Variants in ITGAV observed in about 807,000 individuals in gnomAD.
The protein encoded by ITGAV is integrin alpha-V.
Under a neutral mutation model 143.8 loss-of-function variants are expected in ITGAV, and 76 were observed. That is an observed-to-expected ratio of 0.53 (90% CI 0.44 to 0.64). The LOEUF (loss-of-function observed/expected upper bound fraction) is 0.64. Ranked by LOEUF, ITGAV falls within the 30% of genes least tolerant of loss-of-function variation. The pLI is 0.00. For synonymous variants in ITGAV, 453 were observed against 446.7 expected (o/e 1.01, Z -0.18); for missense variants, 1,193 against 1,274.7 (o/e 0.94, Z 0.98).
chr2:186,639,897 G>A (rs145510671), intron 10 of ITGAV, among the ~76,000 whole-genome samples: 8 of 152,104 alleles, frequency 5.3e-5, no homozygotes, highest in African/African-American at 1.7e-4. Context: ...TTACATAGTC[G>A]GCACATCAAC....
rs987224164 is a variant in ITGAV, at chr2:186,624,846, T to A, written c.409-627T>A. 3.3e-5 allele frequency among the ~76,000 whole-genome samples: 5 copies of A among 152,176 alleles called. No homozygotes were observed. The South Asian group carries it at 8.3e-4, about 25-fold the overall frequency. ...TATAATTTAGGGGGTATATTCCATA[T>A]GCATGAGTGTTACTTAGTTCAAAAG... On this transcript the variant is annotated intron_variant, in intron 3 of 29. Transcript: ENST00000261023.
chr2:186,634,100 A>T (rs1391456850), intron 6 of ITGAV, among the ~76,000 whole-genome samples: 1 of 152,196 alleles, frequency 6.6e-6, no homozygotes. Context: ...ACTGGCATTG[A>T]TATAAAGATG....
Position 186,604,652 on chromosome 2 carries a change from C to T in ITGAV, c.316+2501C>T, listed in dbSNP as rs1687007608. Reference sequence around the variant, plus strand: ...CTCATTTATTAGCATATTTTTAAATCTTCGTCAGTTTTATAGGAGGAGATA... The same window carrying T: ...CTCATTTATTAGCATATTTTTAAATTTTCGTCAGTTTTATAGGAGGAGATA... On this transcript the variant is annotated intron_variant, in intron 2 of 29. Coordinates refer to ENST00000261023, the MANE Select transcript of ITGAV (RefSeq NM_002210.5). Among the ~76,000 whole-genome samples the T allele has an allele frequency of 3.3e-5, 5 of 152,098 alleles. No individual in the cohort carries two copies. In the South Asian group the frequency reaches 1.0e-3, roughly 32 times the overall value.
intron 2 of ITGAV, among the ~76,000 whole-genome samples, chr2:186,619,211 CTG>C (rs1162548011): frequency 6.6e-6 from 1 of 151,578 alleles, no homozygotes; most frequent in African/African-American, 2.4e-5. Flanking sequence ...GTGTACGTGT[CTG>C]TGTTCAGCCA....
At chr2:186,668,997 A>T in intron 25 of ITGAV, 77 bp downstream of exon 25, 1 of 1,295,096 alleles carries the variant, frequency 7.7e-7, no homozygotes, top group Non-Finnish European at 1.1e-6. Context: ...AGAAATTCAT[A>T]AAATAAAACA....
chr2:186,594,237 TTGACTAAA>T (rs1686688286), intron 1 of ITGAV, among the ~76,000 whole-genome samples: 2 of 152,376 alleles, frequency 1.3e-5, no homozygotes, highest in South Asian at 4.1e-4. Flanking sequence ...TTAACTCAAT[TTGACTAAA>T]AAGTCTTCAC....
chr2:186,625,180 C>G (rs1308030504), intron 3 of ITGAV, among the ~76,000 whole-genome samples: 34 of 152,056 alleles, frequency 2.2e-4, no homozygotes, highest in Non-Finnish European at 2.9e-4. Flanking sequence ...AGAGACCAGC[C>G]TGGGAAACAT....
chr2:186,591,333 T>A (rs919549517), intron 1 of ITGAV, among the ~76,000 whole-genome samples: 1 of 152,208 alleles, frequency 6.6e-6, no homozygotes, highest in African/African-American at 2.4e-5. Flanking sequence ...TTGCCATTAT[T>A]GTGTTAGAAA....
intron 1 of ITGAV, among the ~76,000 whole-genome samples, chr2:186,592,769 A>G (rs569528096): frequency 1.3e-5 from 2 of 152,316 alleles, no homozygotes; most frequent in South Asian, 2.1e-4. Flanking sequence ...TTGGTTGCAT[A>G]TAATATTTTG....
At chr2:186,640,670 A>G (rs567133709) in intron 10 of ITGAV, among the ~76,000 whole-genome samples, 1 of 152,280 alleles carries the variant, frequency 6.6e-6, no homozygotes, top group South Asian at 2.1e-4. Flanking sequence ...ACAACACTGG[A>G]AGGATATACA....
intron 17 of ITGAV, among the ~76,000 whole-genome samples, chr2:186,658,554 A>G (rs1230881311): frequency 3.3e-5 from 5 of 152,180 alleles, no homozygotes; most frequent in Non-Finnish European, 2.9e-5. Flanking sequence ...TGGATAACTG[A>G]ATGTATATTT....
chr2:186,599,997 T>C (rs1026415012), intron 1 of ITGAV, among the ~76,000 whole-genome samples: 1 of 152,210 alleles, frequency 6.6e-6, no homozygotes, highest in African/African-American at 2.4e-5. Flanking sequence ...CCCTCTCCCT[T>C]AATGCTTTCC....
At chr2:186,667,890 G>C (rs906649880) in intron 24 of ITGAV, 114 bp downstream of exon 24, 2 of 479,926 alleles carry the variant, frequency 4.2e-6, no homozygotes, top group African/African-American at 3.9e-5. Flanking sequence ...CTCTACATTG[G>C]TTAAGTATGT....
chr2:186,590,331 C>T lies in ITGAV; in HGVS notation c.-8C>T. ...CTCCCGGCTTGGCGTCCCGCGCGCA[C>T]TTCGGCGATGGCTTTTCCGCCGCGG... On this transcript the variant is annotated 5_prime_UTR_variant, in exon 1 of 30. Transcript: ENST00000261023. The T allele has an allele frequency of 6.4e-7, 1 of 1,573,250 alleles. No individual in the cohort carries two copies. The highest frequency in any genetic ancestry group is 2.5e-5 in the East Asian group (1 of 39,782).
rs866617611 is a variant in ITGAV, at chr2:186,598,261, T to G, written c.186-3760T>G. ...AATTTTAGACCCGTAGAAAAAAAAT[T>G]GTATATGTAATAAATTTACATATTA... On this transcript the variant is annotated intron_variant, in intron 1 of 29. Transcript: ENST00000261023. Among the ~76,000 whole-genome samples the G allele has an allele frequency of 2.8e-4, 42 of 149,458 alleles. 1 individual carries two copies. The highest frequency in any genetic ancestry group is 3.4e-3 in the Middle Eastern group (1 of 294).
intron 1 of ITGAV, among the ~76,000 whole-genome samples, chr2:186,599,197 T>C (rs191571797): frequency 1.4e-4 from 21 of 152,362 alleles, no homozygotes; most frequent in Admixed American, 1.2e-3. Context: ...TGTTTTTGTC[T>C]GCCTGTATCC....
rs912735325 is a variant in ITGAV at position 186,669,619 on chromosome 2, A to T, written c.2593-82A>T. The T allele has an allele frequency of 2.8e-5, 25 of 905,264 alleles. No individual in the cohort carries two copies. In the African/African-American group the frequency reaches 4.0e-4, roughly 15 times the overall value. The allele number at this position is 905,264 out of a possible 1,614,324, so 56.1% of individuals were successfully genotyped here. A position where few individuals can be genotyped will look rare whatever the true frequency, so the allele number is the denominator to read the frequency against. On this transcript the variant is annotated intron_variant, in intron 25 of 29. Coordinates refer to ENST00000261023, the MANE Select transcript of ITGAV (RefSeq NM_002210.5). ...TTTTCATTCACTATTTTTTAATCATATCTAAGAGTTTATATCAAAATGCTG... is the reference window on the plus strand; with the variant it reads ...TTTTCATTCACTATTTTTTAATCATTTCTAAGAGTTTATATCAAAATGCTG...
intron 8 of ITGAV, among the ~76,000 whole-genome samples, chr2:186,637,427 G>C (rs1295356489): frequency 6.8e-6 from 1 of 147,556 alleles, no homozygotes; most frequent in Non-Finnish European, 1.5e-5. Flanking sequence ...GCTGCTGTGA[G>C]TTGTGATTGC....
At chr2:186,612,625 C>T (rs1226395114) in intron 2 of ITGAV, among the ~76,000 whole-genome samples, 1 of 152,104 alleles carries the variant, frequency 6.6e-6, no homozygotes, top group African/African-American at 2.4e-5. Flanking sequence ...TATAACTAGG[C>T]TTTGTATTTA....
Sources: allele counts gnomAD v4.1 joint callset (sites outside exome capture counted in the v4.1 genomes callset), GRCh38; gene constraint gnomAD v4.1.1; transcripts MANE v1.5; gene names NCBI Gene and HGNC (gene_info 2026-07-23, HGNC 2026-07-21).